PFKFB3: variants seen among roughly 807,000 people sequenced by gnomAD.
PFKFB3 encodes the protein 6-phosphofructo-2-kinase/fructose-2,6-bisphosphatase 3.
PFKFB3 carries 33 observed loss-of-function variants against 68.0 expected under a neutral mutation model. The ratio of observed to expected loss-of-function variants is 0.49; its 90% CI spans 0.37 to 0.65. The LOEUF is 0.65. PFKFB3 is among the 30% of genes least tolerant of loss of function. The pLI, the probability that PFKFB3 is intolerant of heterozygous loss-of-function variation, is 0.00. For missense variants in PFKFB3, 586 were observed against 712.2 expected, an observed-to-expected ratio of 0.82 and a Z score of 2.02; for synonymous variants, 315 against 288.2, an observed-to-expected ratio of 1.09 and a Z score of -0.94.
intron 14 of PFKFB3, chr10:6,245,929 G>A (rs150361404): frequency 3.3e-5 from 5 of 152,312 alleles, no homozygotes; most frequent in African/African-American, 7.2e-5. Flanking sequence ...TAGCATTAGG[G>A]AGAATGTTCT....
At chr10:6,284,004 C>T in the PFKFB3 span, among the ~76,000 whole-genome samples, 2,479 of 152,280 alleles carry the variant, frequency 0.016, 68 homozygotes, top group African/African-American at 0.056. Context: ...AGAGAGCTTC[C>T]TCCTCTCTCC....
At chr10:6,205,139 G>A (rs1012512840) in intron 1 of PFKFB3, among the ~76,000 whole-genome samples, 2 of 152,200 alleles carry the variant, frequency 1.3e-5, no homozygotes, top group African/African-American at 2.4e-5. Context: ...CTTTTGTCCC[G>A]CCTACTGCTG....
chr10:6,245,368 T>C (rs1462035725), intron 14 of PFKFB3, among the ~76,000 whole-genome samples: 1 of 151,670 alleles, frequency 6.6e-6, no homozygotes, highest in Admixed American at 6.6e-5. Context: ...GTGCTAGGAT[T>C]ACTGGCATGA....
chr10:6,307,132 T>A, the PFKFB3 span, among the ~76,000 whole-genome samples: 2 of 152,090 alleles, frequency 1.3e-5, no homozygotes, highest in Non-Finnish European at 2.9e-5. Context: ...CCAGGCTCCA[T>A]CCACAGCATC....
chr10:6,325,064 G>A, the PFKFB3 span, among the ~76,000 whole-genome samples: 2 of 152,032 alleles, frequency 1.3e-5, no homozygotes, highest in African/African-American at 4.8e-5. Flanking sequence ...CCCAGGCTCA[G>A]GTGATTCTCC....
intron 13 of PFKFB3, among the ~76,000 whole-genome samples, 163 bp from the exon 14 acceptor site, chr10:6,226,029 A>T (rs934218452): frequency 6.6e-6 from 1 of 152,104 alleles, no homozygotes; most frequent in Non-Finnish European, 1.5e-5. Flanking sequence ...CAGTCACCGC[A>T]CACTCAGCAG....
intron 1 of PFKFB3, among the ~76,000 whole-genome samples, chr10:6,162,741 A>T (rs1202018512): frequency 6.6e-6 from 1 of 152,042 alleles, no homozygotes; most frequent in Non-Finnish European, 1.5e-5. Flanking sequence ...TGTGTCCTTG[A>T]CACGCCCCCT....
At chr10:6,322,348 C>T in the PFKFB3 span, among the ~76,000 whole-genome samples, 1 of 152,212 alleles carries the variant, frequency 6.6e-6, no homozygotes, top group African/African-American at 2.4e-5. Context: ...CCATCTACCA[C>T]TTTTCACCTC....
chr10:6,263,275 ACT>A, the PFKFB3 span, among the ~76,000 whole-genome samples: 6 of 152,172 alleles, frequency 3.9e-5, no homozygotes. Context: ...GGCACAGATT[ACT>A]CATGCTGTTG....
the PFKFB3 span, among the ~76,000 whole-genome samples, chr10:6,283,952 C>T: frequency 2.6e-5 from 4 of 152,164 alleles, no homozygotes. Context: ...TTACCCTATG[C>T]TTATAAAACC....
At chr10:6,231,886 G>A (rs1015662673) in intron 14 of PFKFB3, among the ~76,000 whole-genome samples, 2 of 151,336 alleles carry the variant, frequency 1.3e-5, no homozygotes, top group African/African-American at 4.9e-5. Context: ...ACCTCTCGGC[G>A]GGCACCCATC....
At chr10:6,320,235 T>C in the PFKFB3 span, among the ~76,000 whole-genome samples, 65 of 152,130 alleles carry the variant, frequency 4.3e-4, no homozygotes, top group East Asian at 0.01. Context: ...GAAGAATGCA[T>C]CTTCTAAGAG....
At chr10:6,155,351 C>G (rs1295766269) in intron 1 of PFKFB3, among the ~76,000 whole-genome samples, 1 of 151,794 alleles carries the variant, frequency 6.6e-6, no homozygotes, top group East Asian at 1.9e-4. Context: ...CACAGGCGCC[C>G]ACCACCACGC....
At chr10:6,193,602 A>G (rs681621) in intron 1 of PFKFB3, among the ~76,000 whole-genome samples, 113,409 of 152,094 alleles carry the variant, frequency 0.75, 42,573 homozygotes, top group Non-Finnish European at 0.79. Context: ...AACAGGCTTT[A>G]TGTGAGCAAC....
intron 1 of PFKFB3, among the ~76,000 whole-genome samples, chr10:6,148,744 C>T (rs558410808): frequency 6.6e-6 from 1 of 152,274 alleles, no homozygotes; most frequent in South Asian, 2.1e-4. Flanking sequence ...TGGAGGGACG[C>T]TGGGGCAGTT....
In PFKFB3 at chr10:6,233,175, C is replaced by T. The variant is rs570967445; in HGVS notation, c.*233C>T. ...CCTGCCTTTAGCCGTGGGGCCCCCA[C>T]CTCCACTCTCTGGGTTTCCTAGGAA... On this transcript the variant is annotated 3_prime_UTR_variant, in exon 15 of 15. Coordinates refer to ENST00000379775, the MANE Select transcript of PFKFB3 (RefSeq NM_004566.4). 52 of 531,280 alleles carry T rather than the reference C, an allele frequency of 9.8e-5. 1 individual carries two copies. The South Asian group carries it at 1.0e-3, about 11-fold the overall frequency. The allele number at this position is 531,280 out of a possible 1,614,324, so 32.9% of individuals were successfully genotyped here. A position where few individuals can be genotyped will look rare whatever the true frequency, so the allele number is the denominator to read the frequency against.
the PFKFB3 span, among the ~76,000 whole-genome samples, chr10:6,301,056 G>T: frequency 1.3e-5 from 2 of 152,184 alleles, no homozygotes; most frequent in African/African-American, 4.8e-5. Context: ...TCTTGCAGAA[G>T]ATTCCTCTGC....
In PFKFB3 at chr10:6,203,806, C is replaced by T. The variant is rs139646550; in HGVS notation, c.76+470C>T. ...CCTATCCCCTCGCTTCACTTAATAA[C>T]CTATTTCTCTGTCCTGTTTTCTCTT... On this transcript the variant is annotated intron_variant, in intron 1 of 14. Coordinates refer to ENST00000379775, the MANE Select transcript of PFKFB3 (RefSeq NM_004566.4). Among the ~76,000 whole-genome samples the T allele has an allele frequency of 3.1e-3, 472 of 152,340 alleles. 4 individuals carry two copies. Among genetic ancestry groups the T allele is most frequent in the African/African-American group, 0.011 (439 of 41,586 alleles).
intron 1 of PFKFB3, among the ~76,000 whole-genome samples, chr10:6,203,922 C>G (rs945864361): frequency 6.6e-6 from 1 of 152,254 alleles, no homozygotes; most frequent in Admixed American, 6.5e-5. Context: ...CTCCTTCTCT[C>G]TCTTCCGTGC....
Sources: allele counts gnomAD v4.1 joint callset (sites outside exome capture counted in the v4.1 genomes callset), GRCh38; gene constraint gnomAD v4.1.1; transcripts MANE v1.5; gene names NCBI Gene and HGNC (gene_info 2026-07-23, HGNC 2026-07-21).